The following PIKFYVE variants were observed in gnomAD, a reference collection of about 807,000 sequenced individuals.
The protein encoded by PIKFYVE is phosphoinositide kinase, FYVE-type zinc finger containing, also known as 1-phosphatidylinositol 3-phosphate 5-kinase.
Under a neutral mutation model 257.9 loss-of-function variants are expected in PIKFYVE, and 122 were observed. The ratio of observed to expected loss-of-function variants is 0.47; its 90% CI spans 0.41 to 0.55. The LOEUF (loss-of-function observed/expected upper bound fraction) is 0.55. Ranked by LOEUF, PIKFYVE falls within the 20% of genes least tolerant of loss-of-function variation. PIKFYVE has a pLI of 0.00. For missense variants in PIKFYVE, 2,160 were observed against 2,536.6 expected (o/e 0.85, Z 3.19); for synonymous variants, 892 against 868.9 (o/e 1.03, Z -0.47).
At chr2:208,303,024 G>C (rs1183952269) in intron 10 of PIKFYVE, among the ~76,000 whole-genome samples, 1 of 152,132 alleles carries the variant, frequency 6.6e-6, no homozygotes, top group Non-Finnish European at 1.5e-5. Context: ...GGAGCTTGCA[G>C]TGAGCCGAGA....
intron 12 of PIKFYVE, among the ~76,000 whole-genome samples, chr2:208,307,086 C>A (rs531680871): frequency 6.6e-6 from 1 of 152,188 alleles, no homozygotes; most frequent in South Asian, 2.1e-4. Flanking sequence ...GCCCTCAATC[C>A]TTTAAAAAGA....
At chr2:208,343,110 G>T (rs904274472) in intron 32 of PIKFYVE, among the ~76,000 whole-genome samples, 2 of 152,030 alleles carry the variant, frequency 1.3e-5, no homozygotes, top group Middle Eastern at 3.2e-3. Flanking sequence ...TTCTTTTTGT[G>T]CATAAAAATC....
At chr2:208,319,916 C>T (rs1696006140) in intron 16 of PIKFYVE, among the ~76,000 whole-genome samples, 1 of 151,876 alleles carries the variant, frequency 6.6e-6, no homozygotes. Flanking sequence ...TGTGAAGTAA[C>T]CTGTCATTAA....
chr2:208,274,535 G>A (rs1689857881), intron 3 of PIKFYVE, among the ~76,000 whole-genome samples: 1 of 152,134 alleles, frequency 6.6e-6, no homozygotes, highest in Non-Finnish European at 1.5e-5. Context: ...GTTGGCAGAA[G>A]GATATTTTAT....
chr2:208,282,566 T>G lies in PIKFYVE; in HGVS notation c.614-3160T>G, dbSNP rs1690956189. ...CAGAATTTCTTTTTCTTCAGAAAAC[T>G]TTAGTCTTTGTCCTTAAGGACTTCA... On this transcript the variant is annotated intron_variant, in intron 5 of 41. Coordinates refer to ENST00000264380, the MANE Select transcript of PIKFYVE (RefSeq NM_015040.4). Among the ~76,000 whole-genome samples the G allele has an allele frequency of 1.3e-5, 2 of 152,248 alleles. 1 individual carries two copies. Among genetic ancestry groups the G allele is most frequent in the South Asian group, 4.1e-4 (2 of 4,826 alleles).
Position 208,347,994 on chromosome 2 carries a change from G to C in PIKFYVE, c.5345G>C (p.Gly1782Ala). 1 of 1,614,082 alleles carries C rather than the reference G, an allele frequency of 6.2e-7. No homozygotes were observed. Among genetic ancestry groups the C allele is most frequent in the Non-Finnish European group, 8.5e-7 (1 of 1,179,986 alleles). ...YYQVGQTGKE[G>A]TENQGVEPQD... ...CAGGTTGGGCAGACGGGCAAGGAGGGGACCGAGAATCAAGGCGTTGAGCCT... is the reference window on the plus strand; with the variant it reads ...CAGGTTGGGCAGACGGGCAAGGAGGCGACCGAGAATCAAGGCGTTGAGCCT... The change falls in exon 35 of 42, where the codon GGG becomes GCG. Residue 1782 changes from glycine (G) to alanine (A), a missense_variant. Physicochemically the swap from Gly to Ala is moderately conservative, Grantham distance 60. This residue lies in a region of PIKFYVE where 699 missense variants were observed against 855.8 expected (regional missense o/e 0.82). Transcript: ENST00000264380.
At chr2:208,266,501 G>A (rs1688644946) in intron 1 of PIKFYVE, 86 bp downstream of exon 1, 1 of 152,796 alleles carries the variant, frequency 6.5e-6, no homozygotes, top group Non-Finnish European at 1.5e-5. Flanking sequence ...CAGAGCTGAG[G>A]TGAAAGTGAG....
chr2:208,329,659 T>G (rs1464262112), intron 21 of PIKFYVE, among the ~76,000 whole-genome samples, 183 bp from the exon 22 acceptor site: 1 of 152,196 alleles, frequency 6.6e-6, no homozygotes, highest in Non-Finnish European at 1.5e-5. Context: ...AAAAAGATGC[T>G]TTAGTGTGGC....
intron 24 of PIKFYVE, 84 bp from the exon 25 acceptor site, chr2:208,335,222 A>G: frequency 1.9e-5 from 17 of 917,822 alleles, no homozygotes; most frequent in Non-Finnish European, 2.7e-5. Flanking sequence ...GCCTCATAGA[A>G]TATAGTTGAA....
In PIKFYVE at chr2:208,273,718, C is replaced by T. The variant is rs778101021; in HGVS notation, c.307C>T (p.Arg103Cys). The T allele has an allele frequency of 1.6e-5, 26 of 1,614,038 alleles. No individual in the cohort carries two copies. The highest frequency in any genetic ancestry group is 1.6e-4 in the East Asian group (7 of 44,892). Reference protein sequence around the residue: ...KKQLNEELQRRSSALDTRRKA... With the variant: ...KKQLNEELQRCSSALDTRRKA... ...GCAGCTTAATGAGGAACTCCAGCGGCGCTCTTCAGCATTAGGTAAAACAGT... is the reference window on the plus strand; with the variant it reads ...GCAGCTTAATGAGGAACTCCAGCGGTGCTCTTCAGCATTAGGTAAAACAGT... Residue 103 changes from arginine to cysteine, a missense_variant, in exon 3 of 42, where the codon CGC (arginine) becomes TGC (cysteine). Physicochemically the swap from Arg to Cys is radical, Grantham distance 180. Transcript: ENST00000264380.
intron 32 of PIKFYVE, among the ~76,000 whole-genome samples, chr2:208,344,870 T>C (rs1046356075): frequency 2.6e-5 from 4 of 152,112 alleles, no homozygotes; most frequent in Admixed American, 2.6e-4. Context: ...AAAATCTTTG[T>C]TGAGGGTATT....
In PIKFYVE at chr2:208,355,251, C is replaced by T. The variant is rs746132026; in HGVS notation, c.6243C>T (p.Asp2081=). 1.3e-4 allele frequency: 217 copies of T among 1,613,864 alleles called. 3 individuals are homozygous for T. In the East Asian group the frequency reaches 4.7e-3, roughly 35 times the overall value. The change falls in exon 42 of 42, where the codon GAC becomes GAT. Residue 2081 remains aspartate, a synonymous_variant. Coordinates refer to ENST00000264380, the MANE Select transcript of PIKFYVE (RefSeq NM_015040.4). The part of the protein sequence containing the change: ...LYRTRFCEAM[D]KYFLMVPDHW... ...GGACTAGGTTTTGTGAGGCAATGGA[C>T]AAGTATTTCCTAATGGTACCAGACC...
chr2:208,273,886 A>T (rs572243763), intron 3 of PIKFYVE, 153 bp downstream of exon 3: 1 of 1,367,230 alleles, frequency 7.3e-7, no homozygotes, highest in Admixed American at 1.9e-5. Flanking sequence ...TAGAGTAAAT[A>T]AAACTCTTAC....
At chr2:208,272,421 A>G (rs1334399097) in intron 2 of PIKFYVE, among the ~76,000 whole-genome samples, 1 of 152,142 alleles carries the variant, frequency 6.6e-6, no homozygotes, top group Non-Finnish European at 1.5e-5. Context: ...GGAACAGTAC[A>G]TGGGAGGAAA....
chr2:208,355,674 A>G lies in PIKFYVE; in HGVS notation c.*369A>G, dbSNP rs1700121409. ...CTCATAAATTGACTATCCTGGCATCACATTTAACATGTTATCTACTTAGAA... is the reference window on the plus strand; with the variant it reads ...CTCATAAATTGACTATCCTGGCATCGCATTTAACATGTTATCTACTTAGAA... On this transcript the variant is annotated 3_prime_UTR_variant, in exon 42 of 42. Transcript: ENST00000264380. 5.7e-6 allele frequency: 1 copy of G among 176,940 alleles called. No homozygotes were observed. The highest frequency in any genetic ancestry group is 1.2e-5 in the Non-Finnish European group (1 of 82,970). The allele number at this position is 176,940 out of a possible 1,614,324, so 11.0% of individuals were successfully genotyped here.
intron 1 of PIKFYVE, chr2:208,269,402 GA>G: frequency 4.3e-6 from 1 of 233,788 alleles, no homozygotes; most frequent in Admixed American, 4.2e-5. Flanking sequence ...TGTCCTGCCA[GA>G]ACAGTCTCCA....
Position 208,271,809 on chromosome 2 carries a change from G to A in PIKFYVE, c.172+118G>A. 7.2e-6 allele frequency: 7 copies of A among 973,956 alleles called. No individual in the cohort carries two copies. In the South Asian group the frequency reaches 1.1e-4, roughly 15 times the overall value. The allele number at this position is 973,956 out of a possible 1,614,324, so 60.3% of individuals were successfully genotyped here. ...TAGTACTCTGTTCAGCTTTAATGCTGGGTCTGTAAGAAAGTGAAATATTAA... is the reference window on the plus strand; with the variant it reads ...TAGTACTCTGTTCAGCTTTAATGCTAGGTCTGTAAGAAAGTGAAATATTAA... On this transcript the variant is annotated intron_variant, in intron 2 of 41. Coordinates refer to ENST00000264380, the MANE Select transcript of PIKFYVE (RefSeq NM_015040.4).
chr2:208,314,227 A>T, intron 13 of PIKFYVE, 67 bp from the exon 14 acceptor site: 1 of 1,542,368 alleles, frequency 6.5e-7, no homozygotes, highest in African/African-American at 1.4e-5. Context: ...GCAATTTCTA[A>T]ATATATGAGT....
intron 6 of PIKFYVE, among the ~76,000 whole-genome samples, chr2:208,287,157 C>T (rs1001457758): frequency 6.6e-6 from 1 of 151,842 alleles, no homozygotes; most frequent in African/African-American, 2.4e-5. Flanking sequence ...AATGTGGTAA[C>T]ACTTAAAGAC....
Sources: allele counts gnomAD v4.1 joint callset (sites outside exome capture counted in the v4.1 genomes callset), GRCh38; gene constraint gnomAD v4.1.1; regional missense constraint gnomAD v4.1.1; transcripts MANE v1.5; gene names NCBI Gene and HGNC (gene_info 2026-07-23, HGNC 2026-07-21).